The following DLL1 variants were observed in gnomAD, a reference collection of about 807,000 sequenced individuals.
DLL1 encodes the protein delta-like protein 1.
A neutral mutation model predicts 75.1 loss-of-function variants in DLL1; 9 were observed. The observed-to-expected ratio is 0.12, with a 90% CI of 0.07 to 0.21. DLL1 has a LOEUF of 0.21. Among genes scored for constraint, DLL1 ranks in the 10% least tolerant of loss-of-function variants. DLL1 has a pLI of 1.00. For missense variants in DLL1, 837 were observed against 1,007.6 expected, an observed-to-expected ratio of 0.83 and a Z score of 2.29; for synonymous variants, 477 against 418.3, an observed-to-expected ratio of 1.14 and a Z score of -1.71.
chr6:170,289,124 G>A, intron 2 of DLL1: 1 of 577,870 alleles, frequency 1.7e-6, no homozygotes, highest in Non-Finnish European at 3.1e-6. Context: ...TGGGGGATGG[G>A]CACGCTCCGG....
At position 170,282,577 on chromosome 6, in the gene DLL1, C is replaced by A. The variant is rs1335465118; in HGVS notation, c.*297G>T. 2 of 571,730 alleles carry A rather than the reference C, an allele frequency of 3.5e-6. No individual in the cohort carries two copies. The highest frequency in any genetic ancestry group is 6.2e-6 in the Non-Finnish European group (2 of 321,058). 35.4% of individuals were successfully genotyped at this position (571,730 alleles called of 1,614,324 possible). A position where few individuals can be genotyped will look rare whatever the true frequency, so the allele number is the denominator to read the frequency against. On this transcript the variant is annotated 3_prime_UTR_variant, in exon 11 of 11. Coordinates refer to ENST00000366756, the MANE Select transcript of DLL1 (RefSeq NM_005618.4). ...TAAGAATCCAAAATATACACTCAGG[C>A]AGTGCATGCTTCTTATGCGTAATTC...
intron 4 of DLL1, chr6:170,288,027 C>G (rs1783743348): frequency 1.4e-6 from 1 of 700,518 alleles, no homozygotes; most frequent in Non-Finnish European, 2.4e-6. Flanking sequence ...AGTGGATAAA[C>G]ACAGCCTGGG....
intron 4 of DLL1, among the ~76,000 whole-genome samples, chr6:170,287,787 A>G (rs898625794): frequency 1.3e-5 from 2 of 152,170 alleles, no homozygotes; most frequent in Admixed American, 6.5e-5. Flanking sequence ...CAGAGAGGTC[A>G]AGCACACCAG....
At chr6:170,284,818 G>T in intron 8 of DLL1, 101 bp downstream of exon 8, 1 of 1,211,866 alleles carries the variant, frequency 8.3e-7, no homozygotes, top group Non-Finnish European at 1.2e-6. Flanking sequence ...GGATAAAAGT[G>T]ATTCATAAAC....
At position 170,290,832 on chromosome 6, in the gene DLL1, C is replaced by T; in HGVS notation, c.-693G>A. On this transcript the variant is annotated 5_prime_UTR_variant, in exon 1 of 11. Coordinates refer to ENST00000366756, the MANE Select transcript of DLL1 (RefSeq NM_005618.4). This position sits in a 1 kb window ranked among gnomAD's most constrained non-coding sequence, Gnocchi z 4.7. The stretch of plus-strand genomic sequence containing the variant: ...TACACACGCGCAGGACCGGAGGGGC[C>T]GGGCCGTGGGAGGAGGCTCTGCGCC... The T allele has an allele frequency of 3.2e-6, 2 of 626,348 alleles. No homozygotes were observed. The highest frequency in any genetic ancestry group is 5.7e-6 in the Non-Finnish European group (2 of 350,222). The allele number at this position is 626,348 out of a possible 1,614,324, so 38.8% of individuals were successfully genotyped here.
At position 170,290,854 on chromosome 6, in the gene DLL1, C is replaced by T; in HGVS notation, c.-715G>A. 1 of 652,502 alleles carries T rather than the reference C, an allele frequency of 1.5e-6. No individual in the cohort carries two copies. Among genetic ancestry groups the T allele is most frequent in the South Asian group, 1.7e-5 (1 of 58,388 alleles). The allele number at this position is 652,502 out of a possible 1,614,324, so 40.4% of individuals were successfully genotyped here. A position where few individuals can be genotyped will look rare whatever the true frequency, so the allele number is the denominator to read the frequency against. On this transcript the variant is annotated 5_prime_UTR_variant, in exon 1 of 11. Transcript: ENST00000366756. The surrounding 1 kb of genome is among the most constrained non-coding windows in gnomAD (Gnocchi z 4.7). ...GGCCGGGCCGTGGGAGGAGGCTCTG[C>T]GCCGCGGCTGCCCGGGTTCCCCTGC...
chr6:170,283,968 C>A lies in DLL1; in HGVS notation c.1311G>T (p.Gly437=), dbSNP rs775917742. 4 of 1,587,054 alleles carry A rather than the reference C, an allele frequency of 2.5e-6. No homozygotes were observed. In the East Asian group the frequency reaches 6.9e-5, roughly 27 times the overall value. ...YLCRCQAGFS[G]RHCDDNVDDC... ...CGTCCACGTTGTCGTCACAGTGCCTCCCCGAGAAGCCGGCCTGGCAGCGGC... is the reference window on the plus strand; with the variant it reads ...CGTCCACGTTGTCGTCACAGTGCCTACCCGAGAAGCCGGCCTGGCAGCGGC... Residue 437 remains glycine, a synonymous_variant, in exon 9 of 11, where the codon GGG becomes GGT. Coordinates refer to ENST00000366756, the MANE Select transcript of DLL1 (RefSeq NM_005618.4).
At chr6:170,289,953 C>T in intron 1 of DLL1, 133 bp downstream of exon 1, 1 of 1,325,112 alleles carries the variant, frequency 7.5e-7, no homozygotes. Context: ...GGTCGTCGCC[C>T]CCGGGATTCA....
rs1473046800 is a variant in DLL1 at position 170,282,662 on chromosome 6, G to A, written c.*212C>T. On this transcript the variant is annotated 3_prime_UTR_variant, in exon 11 of 11. Coordinates refer to ENST00000366756, the MANE Select transcript of DLL1 (RefSeq NM_005618.4). Reference sequence around the variant, plus strand: ...CAACTGTCCATAGTGCAACGGCGACGTCACGGAAGGCAGTGCCGCAGGCGG... The same window carrying A: ...CAACTGTCCATAGTGCAACGGCGACATCACGGAAGGCAGTGCCGCAGGCGG... 1.6e-5 allele frequency: 11 copies of A among 696,998 alleles called. No individual in the cohort carries two copies. Among genetic ancestry groups the A allele is most frequent in the Non-Finnish European group, 2.3e-5 (9 of 395,014 alleles). 43.2% of individuals were successfully genotyped at this position (696,998 alleles called of 1,614,324 possible).
intron 6 of DLL1, 28 bp downstream of exon 6, chr6:170,285,541 C>T (rs749192545): frequency 3.1e-6 from 5 of 1,614,146 alleles, no homozygotes; most frequent in Non-Finnish European, 4.2e-6. Flanking sequence ...CTGGAGGGAG[C>T]AGGCTGCCTC....
chr6:170,289,139 T>C (rs2747756), intron 2 of DLL1: 2 of 587,830 alleles, frequency 3.4e-6, no homozygotes, highest in African/African-American at 3.7e-5. Context: ...CTCCGGGTGG[T>C]AGCGGTCGCG....
intron 4 of DLL1, among the ~76,000 whole-genome samples, chr6:170,286,919 G>A (rs892433819): frequency 2.0e-5 from 3 of 152,180 alleles, no homozygotes; most frequent in South Asian, 2.1e-4. Context: ...AGCTGGGGGC[G>A]GGGAGAGACT....
At chr6:170,286,968 C>G (rs1783715549) in intron 4 of DLL1, among the ~76,000 whole-genome samples, 1 of 152,182 alleles carries the variant, frequency 6.6e-6, no homozygotes, top group Admixed American at 6.5e-5. Context: ...TCTGGCTACC[C>G]TGTGGTGAAG....
chr6:170,289,981 G>A, intron 1 of DLL1, 105 bp downstream of exon 1: 1 of 1,338,012 alleles, frequency 7.5e-7, no homozygotes, highest in Non-Finnish European at 9.6e-7. Flanking sequence ...GGCCGTGGCT[G>A]GCGCGGCCCG....
chr6:170,291,051 CCT>C lies in DLL1; in HGVS notation c.-914_-913del, dbSNP rs1405683027. 1 of 701,966 alleles carries C rather than the reference CCT, an allele frequency of 1.4e-6. No homozygotes were observed. The highest frequency in any genetic ancestry group is 2.6e-6 in the Non-Finnish European group (1 of 384,704). The allele number at this position is 701,966 out of a possible 1,614,324, so 43.5% of individuals were successfully genotyped here. ...CAAAGGAGCCACTTTTCCAAACCCT[CCT>C]CTCAATGGATCGCCAAATGGTCAGT... On this transcript the variant is annotated 5_prime_UTR_variant, in exon 1 of 11. Coordinates refer to ENST00000366756, the MANE Select transcript of DLL1 (RefSeq NM_005618.4).
At chr6:170,285,494 T>C in intron 6 of DLL1, 71 bp from the exon 7 acceptor site, 2 of 1,614,114 alleles carry the variant, frequency 1.2e-6, no homozygotes, top group Non-Finnish European at 1.7e-6. Flanking sequence ...ACTTTATTTT[T>C]CCAGTGATCA....
At position 170,282,989 on chromosome 6, in the gene DLL1, T is replaced by C. The variant is rs779020751; in HGVS notation, c.2165A>G (p.Glu722Gly). The part of the protein sequence containing the change: ...EEKDECVIAT[E>G]V ...GGAGCGGCTGCTGCCTGCACTGACCTCAGTTGCTATGACGCACTCATCCTT... is the reference window on the plus strand; with the variant it reads ...GGAGCGGCTGCTGCCTGCACTGACCCCAGTTGCTATGACGCACTCATCCTT... The change falls in exon 10 of 11, where the codon GAG becomes GGG. Residue 722 changes from glutamate to glycine, a missense_variant and splice_region_variant. Glu to Gly is a moderately conservative substitution (Grantham distance 98). Transcript: ENST00000366756. 1 of 1,614,166 alleles carries C rather than the reference T, an allele frequency of 6.2e-7. No homozygotes were observed. The highest frequency in any genetic ancestry group is 8.5e-7 in the Non-Finnish European group (1 of 1,180,022).
Position 170,283,582 on chromosome 6 carries a change from A to C in DLL1, c.1697T>G (p.Val566Gly), listed in dbSNP as rs531005727. 6.8e-6 allele frequency: 11 copies of C among 1,613,018 alleles called. No individual in the cohort carries two copies. In the South Asian group the frequency reaches 9.9e-5, roughly 14 times the overall value. Residue 566 changes from valine (V) to glycine (G), a missense_variant, in exon 9 of 11, where the codon GTG becomes GGG. Around this residue, in one of 2 missense-constraint regions of DLL1, gnomAD observed 533 missense variants for 545.7 expected, o/e 0.98. Transcript: ENST00000366756. The stretch of plus-strand genomic sequence containing the variant: ...CTGCAGCCTCAGCCGGACGCAGACC[A>C]CCACAGCGGCACAGCCCAGCAGCAG... ...LMLLLGCAAV[V>G]VCVRLRLQKH...
chr6:170,290,269 A>C lies in DLL1; in HGVS notation c.-130T>G. 1.0e-6 allele frequency: 1 copy of C among 961,792 alleles called. No individual in the cohort carries two copies. The highest frequency in any genetic ancestry group is 1.5e-6 in the Non-Finnish European group (1 of 685,434). The allele number at this position is 961,792 out of a possible 1,614,324, so 59.6% of individuals were successfully genotyped here. A position where few individuals can be genotyped will look rare whatever the true frequency, so the allele number is the denominator to read the frequency against. ...GCGCCCTTGCCTCGCCCCAGACCGC[A>C]GGACCCAGGACTTCTTTCTTTAAAA... On this transcript the variant is annotated 5_prime_UTR_variant, in exon 1 of 11. Transcript: ENST00000366756. The surrounding 1 kb of genome is among the most constrained non-coding windows in gnomAD (Gnocchi z 4.7).
Sources: gnomAD v4.1 joint callset for allele counts (sites outside exome capture counted in the v4.1 genomes callset) on GRCh38, gnomAD v4.1.1 for gene constraint, gnomAD v4.1.1 regional missense constraint, Gnocchi (gnomAD v3.1) non-coding constraint, MANE v1.5 for transcripts, NCBI Gene and HGNC (gene_info 2026-07-23, HGNC 2026-07-21) for gene names.